IL1RL2: variants seen among roughly 807,000 people sequenced by gnomAD.
IL1RL2 encodes interleukin-1 receptor-like 2.
In IL1RL2, 68 loss-of-function variants were observed where a neutral mutation model predicts 66.8. That is an observed-to-expected ratio of 1.02 (90% confidence interval 0.84 to 1.25). The LOEUF is 1.25. Among genes scored for constraint, IL1RL2 ranks in the 50% most tolerant of loss-of-function variants. The probability of loss-of-function intolerance (pLI) is 0.00; values close to 1 mark genes in which losing one functional copy is unlikely to be tolerated. For missense variants in IL1RL2, 729 were observed against 709.3 expected (o/e 1.03, Z -0.32); for synonymous variants, 305 against 264.6 (o/e 1.15, Z -1.48).
chr2:102,239,436 G>C lies in IL1RL2; in HGVS notation c.*195G>C. 4 of 556,892 alleles carry C rather than the reference G, an allele frequency of 7.2e-6. No individual in the cohort carries two copies. The highest frequency in any genetic ancestry group is 1.3e-5 in the Non-Finnish European group (4 of 301,208). The allele number at this position is 556,892 out of a possible 1,614,324, so 34.5% of individuals were successfully genotyped here. On this transcript the variant is annotated 3_prime_UTR_variant, in exon 12 of 12. Coordinates refer to ENST00000264257, the MANE Select transcript of IL1RL2 (RefSeq NM_003854.4). ...CATGTCATGGTGGGTGAGAGCTGGG[G>C]CCATCCCCGTGGTCATGGAGGGTGA...
In IL1RL2 at chr2:102,220,010, G is replaced by A; in HGVS notation, c.984G>A (p.Gln328=). The part of the protein sequence containing the change: ...AGVSTAYIIL[Q]LPAPDFRAYL... Reference sequence around the variant, plus strand: ...TGTCCACAGCATACATTATATTACAGCTCCCAGGTAATACTCCAGTGGGTT... The same window carrying A: ...TGTCCACAGCATACATTATATTACAACTCCCAGGTAATACTCCAGTGGGTT... Residue 328 remains glutamine, a synonymous_variant, in exon 8 of 12, where the codon CAG becomes CAA. Coordinates refer to ENST00000264257, the MANE Select transcript of IL1RL2 (RefSeq NM_003854.4). 1 of 1,609,404 alleles carries A rather than the reference G, an allele frequency of 6.2e-7. No individual in the cohort carries two copies. Among genetic ancestry groups the A allele is most frequent in the Non-Finnish European group, 8.5e-7 (1 of 1,176,256 alleles).
At chr2:102,241,251 C>G (rs181327108), downstream of IL1RL2, among the ~76,000 whole-genome samples, 7 of 152,326 alleles carry the variant, frequency 4.6e-5, no homozygotes, top group Admixed American at 4.6e-4. Context: ...CTGAGACTGT[C>G]GCAGTCTGTC....
intron 8 of IL1RL2, among the ~76,000 whole-genome samples, chr2:102,222,488 G>T (rs1416839831): frequency 6.6e-6 from 1 of 152,256 alleles, no homozygotes; most frequent in East Asian, 1.9e-4. Flanking sequence ...TTTACTGATA[G>T]GCGATGAAAT....
downstream of IL1RL2, among the ~76,000 whole-genome samples, chr2:102,242,891 A>G (rs1250225744): frequency 6.6e-6 from 1 of 152,250 alleles, no homozygotes; most frequent in Non-Finnish European, 1.5e-5. Flanking sequence ...TAGATAAATT[A>G]CTGGAAATAG....
chr2:102,240,970 G>A (rs1675214392), downstream of IL1RL2, among the ~76,000 whole-genome samples: 1 of 152,270 alleles, frequency 6.6e-6, no homozygotes, highest in South Asian at 2.1e-4. Flanking sequence ...CGGCAAACAA[G>A]GACTTCGGTG....
At chr2:102,212,675 A>G (rs1689274375) in intron 6 of IL1RL2, among the ~76,000 whole-genome samples, 1 of 152,236 alleles carries the variant, frequency 6.6e-6, no homozygotes. Context: ...AAATTAAAAA[A>G]TAATCACTAG....
chr2:102,227,769 T>C (rs1000949959), intron 9 of IL1RL2, among the ~76,000 whole-genome samples: 12 of 152,196 alleles, frequency 7.9e-5, no homozygotes, highest in African/African-American at 2.7e-4. Flanking sequence ...TTACGTATTC[T>C]TCCTGGAAGC....
chr2:102,187,132 C>T (rs903742536), intron 1 of IL1RL2, 46 bp downstream of exon 1: 48 of 1,283,038 alleles, frequency 3.7e-5, no homozygotes, highest in Non-Finnish European at 4.9e-5. Context: ...ATGGGTGGGG[C>T]CCTGACAGTA....
At chr2:102,225,579 C>T (rs1489457058) in intron 8 of IL1RL2, among the ~76,000 whole-genome samples, 7 of 152,164 alleles carry the variant, frequency 4.6e-5, no homozygotes, top group African/African-American at 1.4e-4. Context: ...AGAACCTGGA[C>T]GTGTGTGTTT....
downstream of IL1RL2, among the ~76,000 whole-genome samples, chr2:102,242,816 G>A (rs1250994939): frequency 6.6e-6 from 1 of 152,174 alleles, no homozygotes; most frequent in Non-Finnish European, 1.5e-5. Flanking sequence ...ACCATCACAT[G>A]GATGTTTAGG....
intron 2 of IL1RL2, among the ~76,000 whole-genome samples, chr2:102,188,351 A>G (rs575652146): frequency 2.0e-4 from 31 of 152,220 alleles, no homozygotes; most frequent in Non-Finnish European, 3.8e-4. Context: ...TTGGGAGGCC[A>G]AGGCGGGCGG....
chr2:102,229,948 CA>C (rs1325762663), intron 9 of IL1RL2, among the ~76,000 whole-genome samples: 1 of 152,164 alleles, frequency 6.6e-6, no homozygotes, highest in Admixed American at 6.5e-5. Flanking sequence ...ACTTAGCACA[CA>C]AGGTTTGTTT....
intron 9 of IL1RL2, among the ~76,000 whole-genome samples, chr2:102,228,652 C>T (rs1247920960): frequency 4.1e-5 from 6 of 147,890 alleles, no homozygotes; most frequent in South Asian, 2.1e-4. Flanking sequence ...ATGGCTAAAA[C>T]GAAGACAAGC....
In IL1RL2 at chr2:102,235,968, C is replaced by T. The variant is rs78618099; in HGVS notation, c.1678+691C>T. ...GTCAAACTAAAGCAAGCAGGAATTC[C>T]TTTTCTCTCTCTTTTAGACACATGT... On this transcript the variant is annotated intron_variant, in intron 11 of 11. Transcript: ENST00000264257. The T allele has an allele frequency of 5.1e-6, 5 of 983,582 alleles. No homozygotes were observed. In the East Asian group the frequency reaches 5.7e-4, roughly 112 times the overall value. 60.9% of individuals were successfully genotyped at this position (983,582 alleles called of 1,614,324 possible).
intron 1 of IL1RL2, among the ~76,000 whole-genome samples, chr2:102,187,573 C>A (rs1479247226): frequency 6.6e-6 from 1 of 152,118 alleles, no homozygotes; most frequent in Admixed American, 6.5e-5. Flanking sequence ...GCAGAAGCAG[C>A]TCCCACGCGG....
rs979226367 is a variant in IL1RL2, at chr2:102,187,456, C to A, written c.-13+370C>A. On this transcript the variant is annotated intron_variant, in intron 1 of 11. Coordinates refer to ENST00000264257, the MANE Select transcript of IL1RL2 (RefSeq NM_003854.4). ...CGCGCAGGGGAGGCTCCGTGCGCCG[C>A]GAGCGGGGTTGGGGTCCCACGTCTG... 6 of 994,330 alleles carry A rather than the reference C, an allele frequency of 6.0e-6. No homozygotes were observed. The African/African-American group carries it at 8.6e-5, about 14-fold the overall frequency. 61.6% of individuals were successfully genotyped at this position (994,330 alleles called of 1,614,324 possible).
At chr2:102,187,755 G>T (rs1390004460) in intron 1 of IL1RL2, 101 bp from the exon 2 acceptor site, 98 of 988,830 alleles carry the variant, frequency 9.9e-5, no homozygotes, top group Admixed American at 1.7e-4. Context: ...AAGGTCAGCG[G>T]CCTGGGCGGT....
intron 6 of IL1RL2, 77 bp from the exon 7 acceptor site, chr2:102,218,876 A>C: frequency 1.6e-6 from 2 of 1,284,982 alleles, no homozygotes; most frequent in Non-Finnish European, 2.2e-6. Flanking sequence ...AGTACGATGC[A>C]CTTGTAATCC....
At chr2:102,196,514 T>A (rs1209099317) in intron 4 of IL1RL2, among the ~76,000 whole-genome samples, 1 of 152,190 alleles carries the variant, frequency 6.6e-6, no homozygotes. Context: ...CTTGGTGCTG[T>A]GCCAAGGGAT....
Sources: allele counts gnomAD v4.1 joint callset (sites outside exome capture counted in the v4.1 genomes callset), GRCh38; gene constraint gnomAD v4.1.1; transcripts MANE v1.5; gene names NCBI Gene and HGNC (gene_info 2026-07-23, HGNC 2026-07-21).